TMEM255A: variants seen among roughly 807,000 people sequenced by gnomAD.
TMEM255A encodes the protein family with sequence similarity 70, member A.
A neutral mutation model predicts 23.5 loss-of-function variants in TMEM255A; 14 were observed. That is an observed-to-expected ratio of 0.60 (90% CI 0.39 to 0.93). The LOEUF is 0.93. TMEM255A is among the 40% of genes least tolerant of loss of function. The probability of loss-of-function intolerance (pLI) is 0.00; values close to 1 mark genes in which losing one functional copy is unlikely to be tolerated. For synonymous variants in TMEM255A, 104 were observed against 100.3 expected, an observed-to-expected ratio of 1.04 and a Z score of -0.22; for missense variants, 233 against 261.7, an observed-to-expected ratio of 0.89 and a Z score of 0.76.
At chrX:120,251,556 C>T in the TMEM255A span, among the ~76,000 whole-genome samples, 2 of 111,755 alleles carry the variant, frequency 1.8e-5, no homozygotes, top group East Asian at 2.8e-4. Flanking sequence ...TTGCAGCTGG[C>T]AGGGTCCATA....
At chrX:120,270,591 C>T (rs960792820) in intron 7 of TMEM255A, among the ~76,000 whole-genome samples, 1 of 111,404 alleles carries the variant, frequency 9.0e-6, no homozygotes, top group African/African-American at 3.3e-5. Context: ...TTTAAAAATT[C>T]ATCTCAAATC....
intron 1 of TMEM255A, 138 bp from the exon 2 acceptor site, chrX:120,304,629 G>A: frequency 3.3e-6 from 2 of 602,438 alleles, no homozygotes; most frequent in Non-Finnish European, 5.2e-6. Flanking sequence ...CGGGTGGGGG[G>A]TTGTGGGGAA....
intron 2 of TMEM255A, among the ~76,000 whole-genome samples, chrX:120,298,593 A>C (rs2058013462): frequency 9.0e-6 from 1 of 111,200 alleles, no homozygotes; most frequent in Non-Finnish European, 1.9e-5. Context: ...TGGTTGTTAG[A>C]TAATATGTGG....
At chrX:120,255,069 T>A, downstream of TMEM255A, 1 of 1,212,169 alleles carries the variant, frequency 8.2e-7, no homozygotes, top group Non-Finnish European at 1.1e-6. Context: ...AAGGTATCAG[T>A]GTTTGGCCTG....
chrX:120,310,363 A>G (rs2058091142), intron 1 of TMEM255A, among the ~76,000 whole-genome samples: 1 of 111,057 alleles, frequency 9.0e-6, no homozygotes, highest in Non-Finnish European at 1.9e-5. Flanking sequence ...ACTACCAAAA[A>G]GCAGCTTCGA....
At chrX:120,286,277 C>A (rs183797781) in intron 5 of TMEM255A, among the ~76,000 whole-genome samples, 1 of 111,931 alleles carries the variant, frequency 8.9e-6, no homozygotes, top group Non-Finnish European at 1.9e-5. Flanking sequence ...AATGCAGTGG[C>A]CATTTTACAT....
chrX:120,261,762 A>T (rs1426673304), intron 8 of TMEM255A, among the ~76,000 whole-genome samples: 2 of 111,794 alleles, frequency 1.8e-5, no homozygotes, highest in Non-Finnish European at 3.8e-5. Context: ...ATGGAAATGA[A>T]TTTTTTAAAA....
chrX:120,310,389 G>C (rs1449081106), intron 1 of TMEM255A, among the ~76,000 whole-genome samples: 4 of 110,787 alleles, frequency 3.6e-5, no homozygotes, highest in Non-Finnish European at 7.6e-5. Flanking sequence ...AGCCAAGTTG[G>C]TGCCCGAAGG....
At chrX:120,284,224 C>T (rs1328024465) in intron 6 of TMEM255A, among the ~76,000 whole-genome samples, 5 of 112,064 alleles carry the variant, frequency 4.5e-5, no homozygotes, top group African/African-American at 1.6e-4. Flanking sequence ...TACTAGTCTA[C>T]GAGCTCTTCA....
rs782541250 is a variant in TMEM255A at position 120,277,106 on chromosome X, C to T, written c.513-59G>A. On this transcript the variant is annotated intron_variant, in intron 6 of 8. Transcript: ENST00000371369. ...CAGGGAGCAGGCTGTCCTCCCCAGC[C>T]CCCTCCCCAACTCTGGGATTGGGCT... 19 of 1,059,961 alleles carry T rather than the reference C, an allele frequency of 1.8e-5. No homozygotes were observed. The Admixed American group carries it at 4.6e-4, about 25-fold the overall frequency. The allele number at this position is 1,059,961 out of a possible 1,213,427, so 87.4% of individuals were successfully genotyped here.
chrX:120,294,347 T>A (rs956220404), intron 2 of TMEM255A, among the ~76,000 whole-genome samples: 6 of 101,922 alleles, frequency 5.9e-5, no homozygotes, highest in African/African-American at 2.2e-4. Context: ...GGCAGGAGAA[T>A]GGCGTGAACC....
chrX:120,311,353 G>A lies in TMEM255A; in HGVS notation c.-44C>T. 9.1e-7 allele frequency: 1 copy of A among 1,101,624 alleles called. No homozygotes were observed. The highest frequency in any genetic ancestry group is 1.2e-6 in the Non-Finnish European group (1 of 812,424). The allele number at this position is 1,101,624 out of a possible 1,213,427, so 90.8% of individuals were successfully genotyped here. On this transcript the variant is annotated 5_prime_UTR_variant, in exon 1 of 9. Transcript: ENST00000371369. ...GCCCCAGTCCCCGAAGCTGCTTCAA[G>A]CGCCCCCGGCTCTGGGCGCCCCGCA...
the TMEM255A span, among the ~76,000 whole-genome samples, chrX:120,252,136 T>C: frequency 9.0e-6 from 1 of 111,698 alleles, no homozygotes; most frequent in African/African-American, 3.3e-5. Flanking sequence ...TGTTTGTTCT[T>C]AAGGTATCAT....
At chrX:120,287,026 G>A in intron 5 of TMEM255A, 128 bp downstream of exon 5, 1 of 594,990 alleles carries the variant, frequency 1.7e-6, no homozygotes, top group Admixed American at 2.4e-5. Flanking sequence ...CTGACCCACT[G>A]AACAAATCAG....
intron 7 of TMEM255A, among the ~76,000 whole-genome samples, chrX:120,271,933 C>G (rs1465038166): frequency 8.9e-6 from 1 of 112,575 alleles, no homozygotes; most frequent in Non-Finnish European, 1.9e-5. Flanking sequence ...AGACAACTCA[C>G]AGCATGGGAG....
At chrX:120,253,505 C>T in the TMEM255A span, 1 of 1,210,435 alleles carries the variant, frequency 8.3e-7, no homozygotes, top group African/African-American at 1.7e-5. Context: ...GCCATGGACT[C>T]TTCTGTGATG....
Position 120,270,293 on chromosome X carries a change from GTT to G in TMEM255A, c.676-1908_676-1907del, listed in dbSNP as rs201393382. On this transcript the variant is annotated intron_variant, in intron 7 of 8. Coordinates refer to ENST00000371369, the MANE Select transcript of TMEM255A (RefSeq NM_001104544.3). ...TTTGTGTGCACGTATAGGAGTGTGT[GTT>G]TGTGTGTGTGTGTGTGTATGTGTAT... Among the ~76,000 whole-genome samples, 562 of 108,668 alleles carry G rather than the reference GTT, an allele frequency of 5.2e-3. 3 individuals carry two copies. The highest frequency in any genetic ancestry group is 0.018 in the African/African-American group (519 of 28,859). 94.4% of individuals were successfully genotyped at this position (108,668 alleles called of 115,157 possible).
intron 2 of TMEM255A, among the ~76,000 whole-genome samples, chrX:120,302,351 A>G (rs940781319): frequency 9.0e-6 from 1 of 111,080 alleles, no homozygotes; most frequent in African/African-American, 3.3e-5. Context: ...AGAGACTCTA[A>G]ATCTTGGCTT....
chrX:120,310,501 C>T (rs1476594969), intron 1 of TMEM255A, among the ~76,000 whole-genome samples: 12 of 111,946 alleles, frequency 1.1e-4, no homozygotes, highest in African/African-American at 3.9e-4. Flanking sequence ...TGCGCGGGCT[C>T]GCGCTGGATG....
Sources: allele counts gnomAD v4.1 joint callset (sites outside exome capture counted in the v4.1 genomes callset), GRCh38; gene constraint gnomAD v4.1.1; transcripts MANE v1.5; gene names NCBI Gene and HGNC (gene_info 2026-07-23, HGNC 2026-07-21).